CECR2: variants seen among roughly 807,000 people sequenced by gnomAD.
CECR2 encodes chromatin remodeling regulator CECR2.
CECR2 carries 30 observed loss-of-function variants against 154.5 expected under a neutral mutation model. The ratio of observed to expected loss-of-function variants is 0.19; its 90% CI spans 0.15 to 0.26. CECR2 has a LOEUF of 0.26. Among genes scored for constraint, CECR2 ranks in the 10% least tolerant of loss-of-function variants. CECR2 has a pLI of 1.00. For missense variants in CECR2, 1,743 were observed against 1,829.3 expected (o/e 0.95, Z 0.86); for synonymous variants, 725 against 683.7 (o/e 1.06, Z -0.94).
chr22:17,525,054 G>A (rs1364459602), intron 9 of CECR2, among the ~76,000 whole-genome samples: 1 of 144,900 alleles, frequency 6.9e-6, no homozygotes, highest in Non-Finnish European at 1.5e-5. Flanking sequence ...GAGGCCAAGG[G>A]GGGCGGATCA....
At chr22:17,477,117 G>A in intron 1 of CECR2, 1 of 724,970 alleles carries the variant, frequency 1.4e-6, no homozygotes, top group Non-Finnish European at 2.6e-6. Context: ...TCAAAATACA[G>A]TGGTTCTTTA....
intron 1 of CECR2, among the ~76,000 whole-genome samples, chr22:17,410,557 C>T (rs1288575550): frequency 3.3e-5 from 5 of 152,122 alleles, no homozygotes; most frequent in Non-Finnish European, 7.3e-5. Flanking sequence ...AAACGATTCT[C>T]CTGCCTCAGC....
intron 1 of CECR2, among the ~76,000 whole-genome samples, chr22:17,384,461 G>T (rs2063236184): frequency 6.6e-6 from 1 of 152,186 alleles, no homozygotes; most frequent in Admixed American, 6.5e-5. Context: ...AATGGATGTT[G>T]TGTCAGCAGA....
intron 16 of CECR2, among the ~76,000 whole-genome samples, chr22:17,545,529 A>G (rs1344372722): frequency 6.6e-6 from 1 of 152,024 alleles, no homozygotes; most frequent in Non-Finnish European, 1.5e-5. Context: ...TGGCAGGAGA[A>G]TGGACACACT....
chr22:17,531,466 G>T (rs1045466187), intron 9 of CECR2, among the ~76,000 whole-genome samples: 1 of 152,214 alleles, frequency 6.6e-6, no homozygotes, highest in Non-Finnish European at 1.5e-5. Flanking sequence ...AACCAGCAGA[G>T]AAGGGAGTTG....
At chr22:17,497,335 C>A in intron 2 of CECR2, 68 bp from the exon 3 acceptor site, 1 of 1,450,292 alleles carries the variant, frequency 6.9e-7, no homozygotes, top group Admixed American at 2.2e-5. Context: ...AGTTCTCTCT[C>A]TCTCTCCTTC....
intron 1 of CECR2, among the ~76,000 whole-genome samples, chr22:17,454,203 G>T (rs2054817163): frequency 1.3e-5 from 2 of 152,240 alleles, no homozygotes; most frequent in African/African-American, 4.8e-5. Flanking sequence ...GGAGGCTGAA[G>T]TGGGAGGATT....
intron 1 of CECR2, among the ~76,000 whole-genome samples, chr22:17,440,176 T>C (rs1173418687): frequency 6.6e-6 from 1 of 151,932 alleles, no homozygotes; most frequent in East Asian, 1.9e-4. Context: ...CCAGAATGAA[T>C]AGTATGATTG....
chr22:17,453,988 C>T (rs753420022), intron 1 of CECR2, among the ~76,000 whole-genome samples: 5 of 152,176 alleles, frequency 3.3e-5, no homozygotes, highest in Non-Finnish European at 7.3e-5. Flanking sequence ...ACTTAGGTGC[C>T]AGGTGTCAGC....
At chr22:17,464,658 C>T (rs1294404981) in intron 1 of CECR2, among the ~76,000 whole-genome samples, 2 of 152,022 alleles carry the variant, frequency 1.3e-5, no homozygotes, top group Non-Finnish European at 2.9e-5. Flanking sequence ...CACCACCATA[C>T]CTAGCTAATT....
At chr22:17,415,425 A>G (rs985964571) in intron 1 of CECR2, among the ~76,000 whole-genome samples, 2 of 152,100 alleles carry the variant, frequency 1.3e-5, no homozygotes, top group Non-Finnish European at 2.9e-5. Flanking sequence ...TATTTTTTGT[A>G]GAGATGAAGT....
At chr22:17,434,969 G>A (rs1477067455) in intron 1 of CECR2, among the ~76,000 whole-genome samples, 2 of 152,148 alleles carry the variant, frequency 1.3e-5, no homozygotes, top group Non-Finnish European at 2.9e-5. Context: ...CCTCATTGAT[G>A]TAGGGCTAAT....
At chr22:17,528,232 CAG>C (rs2056297443) in intron 9 of CECR2, among the ~76,000 whole-genome samples, 2 of 152,130 alleles carry the variant, frequency 1.3e-5, no homozygotes, top group Admixed American at 1.3e-4. Context: ...GCCATAAAAA[CAG>C]AAAGATGCAG....
chr22:17,471,096 AAAC>A (rs1394813462), intron 1 of CECR2, among the ~76,000 whole-genome samples: 2 of 152,186 alleles, frequency 1.3e-5, no homozygotes, highest in Non-Finnish European at 2.9e-5. Flanking sequence ...ATATCATCCC[AAAC>A]AACAAGCAAC....
intron 1 of CECR2, among the ~76,000 whole-genome samples, chr22:17,432,817 C>A (rs183117780): frequency 6.6e-6 from 1 of 152,086 alleles, no homozygotes; most frequent in African/African-American, 2.4e-5. Context: ...TTTGTATAGG[C>A]AGGGTCTCAC....
chr22:17,372,463 C>T lies in CECR2; in HGVS notation c.126+2554C>T, dbSNP rs1227239807. 2.0e-5 allele frequency among the ~76,000 whole-genome samples: 3 copies of T among 151,904 alleles called. No homozygotes were observed. The East Asian group carries it at 5.8e-4, about 29-fold the overall frequency. On this transcript the variant is annotated intron_variant, in intron 1 of 18. Transcript: ENST00000262608. ...GGTCGATCACCTGAAGTCAGGAGTT[C>T]GAGACGAGACTGGCTAACATGATGA...
At chr22:17,485,074 A>G (rs1334326107) in intron 2 of CECR2, among the ~76,000 whole-genome samples, 1 of 152,140 alleles carries the variant, frequency 6.6e-6, no homozygotes, top group African/African-American at 2.4e-5. Context: ...AACACTGTCT[A>G]CTCATGGAAA....
chr22:17,399,346 TCTC>T (rs2146529177), intron 1 of CECR2, among the ~76,000 whole-genome samples: 1 of 152,220 alleles, frequency 6.6e-6, no homozygotes, highest in East Asian at 1.9e-4. Flanking sequence ...TCCAAAGTCT[TCTC>T]CTGGGAAGAT....
chr22:17,460,531 G>A (rs974359637), intron 1 of CECR2, among the ~76,000 whole-genome samples: 1 of 152,190 alleles, frequency 6.6e-6, no homozygotes, highest in East Asian at 1.9e-4. Context: ...TCTTTAGAGG[G>A]ATTGAAGGTT....
Sources: allele counts gnomAD v4.1 joint callset (sites outside exome capture counted in the v4.1 genomes callset), GRCh38; gene constraint gnomAD v4.1.1; transcripts MANE v1.5; gene names NCBI Gene and HGNC (gene_info 2026-07-23, HGNC 2026-07-21).